CYFIP2: variants seen among roughly 807,000 people sequenced by gnomAD.
The protein encoded by CYFIP2 is cytoplasmic FMR1-interacting protein 2.
CYFIP2 carries 29 observed loss-of-function variants against 158.7 expected under a neutral mutation model. The observed-to-expected ratio is 0.18, with a 90% confidence interval of 0.14 to 0.25. The LOEUF (loss-of-function observed/expected upper bound fraction) is 0.25. Ranked by LOEUF, CYFIP2 falls within the 10% of genes least tolerant of loss-of-function variation. CYFIP2 has a pLI of 1.00. For synonymous variants in CYFIP2, 585 were observed against 617.6 expected, an observed-to-expected ratio of 0.95 and a Z score of 0.78; for missense variants, 852 against 1,639.5, an observed-to-expected ratio of 0.52 and a Z score of 8.29.
Position 157,323,929 on chromosome 5 carries a change from G to T in CYFIP2, c.1680G>T (p.Met560Ile). 1 of 1,584,530 alleles carries T rather than the reference G, an allele frequency of 6.3e-7. No individual in the cohort carries two copies. The highest frequency in any genetic ancestry group is 2.3e-5 in the East Asian group (1 of 44,258). The change falls in exon 16 of 31, where the codon ATG becomes ATT. Residue 560 changes from methionine (M) to isoleucine (I), a missense_variant. Physicochemically the swap from Met to Ile is conservative, Grantham distance 10. Around this residue, in one of 8 missense-constraint regions of CYFIP2, gnomAD observed 167 missense variants for 343.3 expected, o/e 0.49. Transcript: ENST00000620254. ...TTGCTTTCTTTTTCAAGCTGTACAT[G>T]GTGCGGACCATGCTTGAATCACTCA... ...AVGPSSTQLY[M>I]VRTMLESLIA...
At chr5:157,346,186 GC>G (rs564007916) in intron 23 of CYFIP2, among the ~76,000 whole-genome samples, 121 of 152,154 alleles carry the variant, frequency 8.0e-4, no homozygotes, top group African/African-American at 2.8e-3. Flanking sequence ...GTGGGCTTGG[GC>G]TACATCAGGA....
At chr5:157,355,737 GA>G (rs1228202793) in intron 23 of CYFIP2, among the ~76,000 whole-genome samples, 4 of 152,196 alleles carry the variant, frequency 2.6e-5, no homozygotes, top group African/African-American at 9.7e-5. Flanking sequence ...TGAAATATTT[GA>G]AAAGGGGACA....
intron 1 of CYFIP2, among the ~76,000 whole-genome samples, chr5:157,283,735 G>A (rs6890694): frequency 0.23 from 35,102 of 152,022 alleles, 4,638 homozygotes; most frequent in African/African-American, 0.35. Flanking sequence ...CTCAGCCCCA[G>A]TCTGCCCTCC....
At chr5:157,303,299 T>A (rs760497138) in intron 7 of CYFIP2, among the ~76,000 whole-genome samples, 1 of 152,172 alleles carries the variant, frequency 6.6e-6, no homozygotes, top group African/African-American at 2.4e-5. Context: ...CTCATAGGAC[T>A]GTTGTGAGAA....
intron 28 of CYFIP2, chr5:157,384,662 G>A (rs4305634): frequency 0.44 from 168,179 of 381,682 alleles, 39,927 homozygotes; most frequent in East Asian, 0.88. Flanking sequence ...TCATGGGGCC[G>A]GGCGCGGTGG....
At chr5:157,383,947 T>A (rs555338027) in intron 28 of CYFIP2, among the ~76,000 whole-genome samples, 2 of 152,298 alleles carry the variant, frequency 1.3e-5, no homozygotes, top group East Asian at 3.9e-4. Flanking sequence ...TGCACTACAG[T>A]TCATGCAGGA....
intron 23 of CYFIP2, among the ~76,000 whole-genome samples, chr5:157,343,966 A>G (rs1762490441): frequency 6.6e-6 from 1 of 151,986 alleles, no homozygotes; most frequent in Non-Finnish European, 1.5e-5. Flanking sequence ...ATTCACCTCA[A>G]TTTTCCTTCT....
At chr5:157,327,924 C>A in intron 18 of CYFIP2, 49 bp from the exon 19 acceptor site, 1 of 1,579,748 alleles carries the variant, frequency 6.3e-7, no homozygotes, top group South Asian at 1.1e-5. Context: ...CAGTTTCTGT[C>A]ATAAAGCTGA....
Position 157,294,860 on chromosome 5 carries a change from G to A in CYFIP2, c.285G>A (p.Gln95=). The change falls in exon 4 of 31, where the codon CAG becomes CAA. Residue 95 remains glutamine, a splice_region_variant and synonymous_variant. Coordinates refer to ENST00000620254, the MANE Select transcript of CYFIP2 (RefSeq NM_001037333.3). ...TWRSCSRAIP[Q]VKCNEQPNRV... is the part of the protein sequence containing the mutation. ...GCAGCTGTTCCCGGGCCATTCCCCA[G>A]GTGAGACTGTCCTTGTTGTGTGTCT... 6.2e-7 allele frequency: 1 copy of A among 1,612,904 alleles called. No homozygotes were observed. The highest frequency in any genetic ancestry group is 8.5e-7 in the Non-Finnish European group (1 of 1,179,080).
intron 1 of CYFIP2, among the ~76,000 whole-genome samples, chr5:157,284,144 CTG>C (rs1443198006): frequency 2.6e-5 from 4 of 152,068 alleles, no homozygotes; most frequent in African/African-American, 4.8e-5. Flanking sequence ...TGCTTTATGT[CTG>C]CCTTTGTAAC....
At chr5:157,360,086 A>G (rs1763703973) in intron 24 of CYFIP2, among the ~76,000 whole-genome samples, 196 bp from the exon 25 acceptor site, 1 of 152,220 alleles carries the variant, frequency 6.6e-6, no homozygotes, top group East Asian at 1.9e-4. Flanking sequence ...GCCCTCCTTG[A>G]AGTCTGTAAG....
intron 23 of CYFIP2, among the ~76,000 whole-genome samples, chr5:157,341,410 T>G (rs1292002122): frequency 6.6e-6 from 1 of 151,890 alleles, no homozygotes; most frequent in Non-Finnish European, 1.5e-5. Context: ...AATAAAAAAT[T>G]AGCTAGACAT....
intron 5 of CYFIP2, among the ~76,000 whole-genome samples, chr5:157,297,756 C>T (rs1758372602): frequency 6.6e-6 from 1 of 151,508 alleles, no homozygotes; most frequent in Admixed American, 6.6e-5. Context: ...AAAGTGACAA[C>T]ATGAAAAACA....
intron 20 of CYFIP2, among the ~76,000 whole-genome samples, chr5:157,331,412 C>A (rs1008936353): frequency 1.3e-5 from 2 of 149,850 alleles, no homozygotes; most frequent in African/African-American, 4.9e-5. Context: ...AGATGTCGAG[C>A]CCTCCTCCTA....
At chr5:157,392,127 A>C (rs1043901802) in intron 30 of CYFIP2, among the ~76,000 whole-genome samples, 11 of 152,002 alleles carry the variant, frequency 7.2e-5, no homozygotes, top group African/African-American at 2.4e-4. Flanking sequence ...TGTTGAGTTG[A>C]AGTTCTTTAC....
intron 18 of CYFIP2, among the ~76,000 whole-genome samples, chr5:157,326,681 G>A (rs906982365): frequency 1.3e-5 from 2 of 152,224 alleles, no homozygotes; most frequent in South Asian, 4.1e-4. Context: ...TGAGCCGCCT[G>A]TAGAAGGCTT....
At chr5:157,292,220 A>AT (rs1206119572) in intron 3 of CYFIP2, among the ~76,000 whole-genome samples, 1 of 147,654 alleles carries the variant, frequency 6.8e-6, no homozygotes, top group Non-Finnish European at 1.5e-5. Context: ...TTTTATTTTT[A>AT]TTTTTTTATT....
chr5:157,328,499 C>T (rs976874227), intron 19 of CYFIP2, among the ~76,000 whole-genome samples: 6 of 152,172 alleles, frequency 3.9e-5, no homozygotes, highest in Non-Finnish European at 8.8e-5. Flanking sequence ...AAGGACCCTG[C>T]GGTGGGAGTA....
intron 2 of CYFIP2, among the ~76,000 whole-genome samples, chr5:157,286,580 T>TA (rs1561691042): frequency 1.2e-3 from 171 of 139,986 alleles, no homozygotes; most frequent in African/African-American, 4.1e-3. Flanking sequence ...ATATATATAT[T>TA]TAGCCTTTCA....
Sources: gnomAD v4.1 joint callset for allele counts (sites outside exome capture counted in the v4.1 genomes callset) on GRCh38, gnomAD v4.1.1 for gene constraint, gnomAD v4.1.1 regional missense constraint, MANE v1.5 for transcripts, NCBI Gene and HGNC (gene_info 2026-07-23, HGNC 2026-07-21) for gene names.